The following STOX2 variants were observed in gnomAD, a reference collection of about 807,000 sequenced individuals.
The protein encoded by STOX2 is storkhead box 2, also known as storkhead-box protein 2.
Under a neutral mutation model 60.9 loss-of-function variants are expected in STOX2, and 28 were observed. The ratio of observed to expected loss-of-function variants is 0.46; its 90% CI spans 0.34 to 0.63. The LOEUF is 0.63. STOX2 is among the 30% of genes least tolerant of loss of function. The pLI, the probability that STOX2 is intolerant of heterozygous loss-of-function variation, is 0.01. For missense variants in STOX2, 1,024 were observed against 1,187.7 expected (o/e 0.86, Z 2.03); for synonymous variants, 472 against 463.9 (o/e 1.02, Z -0.22).
At chr4:183,858,247 C>G (rs565774415) in intron 1 of STOX2, among the ~76,000 whole-genome samples, 1 of 152,362 alleles carries the variant, frequency 6.6e-6, no homozygotes, top group South Asian at 2.1e-4. Flanking sequence ...AACCCACAAT[C>G]TGTTCCTCCA....
chr4:183,957,800 C>T (rs749467405), intron 1 of STOX2, among the ~76,000 whole-genome samples: 16 of 152,012 alleles, frequency 1.1e-4, no homozygotes, highest in South Asian at 6.2e-4. Context: ...TCCTTCAGGG[C>T]GGATGGTAGA....
In STOX2 at chr4:183,935,078, G is replaced by A. The variant is rs1435491957; in HGVS notation, c.166+28122G>A. ...TCCAGTTGTAATCCTGGAAAACTCA[G>A]CTTTTATTAAAGCCGGGGAAACAGT... On this transcript the variant is annotated intron_variant, in intron 1 of 3. Coordinates refer to ENST00000308497, the MANE Select transcript of STOX2 (RefSeq NM_020225.3). Among the ~76,000 whole-genome samples the A allele has an allele frequency of 4.6e-5, 7 of 152,248 alleles. No homozygotes were observed. The East Asian group carries it at 5.8e-4, about 13-fold the overall frequency.
rs749975647 is a variant in STOX2, at chr4:184,011,542, G to A, written c.2585+119G>A. On this transcript the variant is annotated intron_variant, in intron 3 of 3. Transcript: ENST00000308497. The surrounding 1 kb of genome is among the most constrained non-coding windows in gnomAD (Gnocchi z 4.4). ...GTTCTATGGATGAGGGTTAAGAGTT[G>A]TATGAGTTGTATTGTTAACAATCTG... 4 of 1,561,492 alleles carry A rather than the reference G, an allele frequency of 2.6e-6. No individual in the cohort carries two copies. The East Asian group carries it at 9.4e-5, about 37-fold the overall frequency.
chr4:184,000,922 C>A (rs1317975946), intron 1 of STOX2, among the ~76,000 whole-genome samples: 1 of 152,156 alleles, frequency 6.6e-6, no homozygotes, highest in African/African-American at 2.4e-5. Context: ...GACACGTAAA[C>A]GCGTTCAATG....
intron 1 of STOX2, among the ~76,000 whole-genome samples, chr4:183,892,329 A>G (rs1277101668): frequency 1.4e-4 from 21 of 152,294 alleles, no homozygotes; most frequent in South Asian, 6.2e-4. Context: ...CCCAGGCTGG[A>G]GTGCAGTGGC....
At chr4:183,925,281 A>C (rs1742208235) in intron 1 of STOX2, among the ~76,000 whole-genome samples, 1 of 152,230 alleles carries the variant, frequency 6.6e-6, no homozygotes, top group Non-Finnish European at 1.5e-5. Flanking sequence ...TACTCAGAAA[A>C]GGAATCCAAA....
intron 1 of STOX2, among the ~76,000 whole-genome samples, chr4:183,916,866 C>G (rs1441014674): frequency 6.6e-6 from 1 of 152,270 alleles, no homozygotes; most frequent in Non-Finnish European, 1.5e-5. Flanking sequence ...CCTCTTCCCT[C>G]TACTTCCTAT....
chr4:183,859,024 C>T (rs1218001620), intron 1 of STOX2, among the ~76,000 whole-genome samples: 1 of 152,164 alleles, frequency 6.6e-6, no homozygotes, highest in Non-Finnish European at 1.5e-5. Context: ...CCCCACATTC[C>T]TCTTCTATAG....
intron 1 of STOX2, among the ~76,000 whole-genome samples, chr4:183,922,375 C>T (rs1172296189): frequency 6.8e-6 from 1 of 146,538 alleles, no homozygotes; most frequent in Non-Finnish European, 1.5e-5. Context: ...GAGATGGAGT[C>T]TCGCTCTGTC....
Position 183,813,094 on chromosome 4 carries a change from C to T in STOX2, c.364+15039C>T, listed in dbSNP as rs189651318. Among the ~76,000 whole-genome samples the T allele has an allele frequency of 2.1e-3, 319 of 152,192 alleles. 1 individual carries two copies. Among genetic ancestry groups the T allele is most frequent in the Admixed American group, 0.015 (228 of 15,264 alleles). On this transcript the variant is annotated intron_variant, in intron 1 of 2. Coordinates refer to the STOX2 transcript ENST00000513034. ...ATTCAGAAAAAATACAAATAAAAAA[C>T]CAATACAGGCAGGGCATGGTGGCTC...
chr4:183,820,611 G>T (rs1348946037), intron 1 of STOX2, among the ~76,000 whole-genome samples: 2 of 152,150 alleles, frequency 1.3e-5, no homozygotes, highest in African/African-American at 4.8e-5. Context: ...TGATCTGTCT[G>T]CTTATTTAGA....
intron 1 of STOX2, among the ~76,000 whole-genome samples, chr4:183,958,815 G>A (rs902902791): frequency 6.6e-6 from 1 of 152,160 alleles, no homozygotes; most frequent in African/African-American, 2.4e-5. Flanking sequence ...TTAGAACTCT[G>A]TACGGCTTCC....
upstream of STOX2, among the ~76,000 whole-genome samples, chr4:183,901,264 T>C (rs1028565320): frequency 2.6e-5 from 4 of 152,258 alleles, no homozygotes; most frequent in African/African-American, 9.6e-5. Flanking sequence ...GAATGCTGAA[T>C]AGATTCCATT....
At chr4:183,805,900 T>C (rs113383288) in intron 1 of STOX2, among the ~76,000 whole-genome samples, 59 of 152,350 alleles carry the variant, frequency 3.9e-4, no homozygotes, top group African/African-American at 1.3e-3. Flanking sequence ...TCAGTCTCTC[T>C]TGATGCGGAC....
chr4:183,845,305 G>C (rs577734891), intron 1 of STOX2, among the ~76,000 whole-genome samples: 1 of 152,310 alleles, frequency 6.6e-6, no homozygotes, highest in South Asian at 2.1e-4. Context: ...ATTCCATCCA[G>C]AGCCGGAAAA....
intron 1 of STOX2, among the ~76,000 whole-genome samples, chr4:183,884,684 T>A (rs1304038165): frequency 6.6e-6 from 1 of 152,166 alleles, no homozygotes; most frequent in Non-Finnish European, 1.5e-5. Flanking sequence ...TCCCATCCCA[T>A]TCATACGTTT....
chr4:184,004,415 C>T (rs1465847254), intron 2 of STOX2, among the ~76,000 whole-genome samples: 2 of 152,068 alleles, frequency 1.3e-5, no homozygotes, highest in East Asian at 1.9e-4. Flanking sequence ...CTGGTTAACA[C>T]GGTGAAACCC....
rs1734044119 is a variant in STOX2, at chr4:184,009,532, T to C, written c.694T>C (p.Cys232Arg). The change falls in exon 3 of 4, where the codon TGC becomes CGC. Residue 232 changes from cysteine to arginine, a missense_variant. By Grantham distance (180) the Cys-to-Arg change is radical. Around this residue, in one of 3 missense-constraint regions of STOX2, gnomAD observed 922 missense variants for 1,058.3 expected, o/e 0.87. Transcript: ENST00000308497. The surrounding 1 kb of genome is among the most constrained non-coding windows in gnomAD (Gnocchi z 4.0). The part of the protein sequence containing the change: ...CKDPYCPPSL[C>R]QVPPTEKSKS... ...AGACCCTTACTGTCCCCCTTCTCTG[T>C]GCCAGGTGCCACCCACTGAAAAGAG... 1 of 1,613,922 alleles carries C rather than the reference T, an allele frequency of 6.2e-7. No homozygotes were observed. The highest frequency in any genetic ancestry group is 8.5e-7 in the Non-Finnish European group (1 of 1,179,906).
chr4:183,949,681 G>A (rs1743012053), intron 1 of STOX2, among the ~76,000 whole-genome samples: 1 of 152,188 alleles, frequency 6.6e-6, no homozygotes, highest in African/African-American at 2.4e-5. Flanking sequence ...CTGGGCGACA[G>A]GGCGAGACTC....
Sources: allele counts gnomAD v4.1 joint callset (sites outside exome capture counted in the v4.1 genomes callset), GRCh38; gene constraint gnomAD v4.1.1; regional missense constraint gnomAD v4.1.1; non-coding constraint Gnocchi (gnomAD v3.1); transcripts MANE v1.5; gene names NCBI Gene and HGNC (gene_info 2026-07-23, HGNC 2026-07-21).